Variants in SLC19A1 observed in about 807,000 individuals in gnomAD.
SLC19A1 encodes the protein solute carrier family 19 member 1, also known as reduced folate transporter.
In SLC19A1, 37 loss-of-function variants were observed where a neutral mutation model predicts 35.3. The observed-to-expected ratio is 1.05, with a 90% CI of 0.81 to 1.38. The LOEUF is 1.38. Among genes scored for constraint, SLC19A1 ranks in the 40% most tolerant of loss-of-function variants. The pLI, the probability that SLC19A1 is intolerant of heterozygous loss-of-function variation, is 0.00. For synonymous variants in SLC19A1, 460 were observed against 398.5 expected (o/e 1.15, Z -1.84); for missense variants, 831 against 826.9 (o/e 1.00, Z -0.06).
chr21:45,504,062 A>G (rs552184869), intron 3 of SLC19A1: 7 of 1,612,890 alleles, frequency 4.3e-6, no homozygotes, highest in Non-Finnish European at 5.9e-6. Flanking sequence ...AAGGTGGGTG[A>G]CCTCCCTGTG....
chr21:45,528,868 T>C (rs1188852580), intron 4 of SLC19A1, among the ~76,000 whole-genome samples: 1 of 152,216 alleles, frequency 6.6e-6, no homozygotes, highest in African/African-American at 2.4e-5. Context: ...CAGAAAATGC[T>C]GGGATTCCCC....
intron 2 of SLC19A1, among the ~76,000 whole-genome samples, chr21:45,535,288 C>A (rs192445533): frequency 6.6e-6 from 1 of 152,350 alleles, no homozygotes; most frequent in South Asian, 2.1e-4. Flanking sequence ...CCGGGGAAAG[C>A]GCTCTCAGCT....
At chr21:45,509,304 G>A (rs926781781), downstream of SLC19A1, 58 of 1,535,214 alleles carry the variant, frequency 3.8e-5, no homozygotes, top group Admixed American at 7.3e-4. Flanking sequence ...AGATGGAGGA[G>A]GGGCACCCGG....
At chr21:45,532,824 C>A (rs1004918139) in intron 2 of SLC19A1, among the ~76,000 whole-genome samples, 3 of 152,208 alleles carry the variant, frequency 2.0e-5, no homozygotes, top group African/African-American at 7.2e-5. Context: ...CACATTCACA[C>A]CAGCACAAGC....
chr21:45,536,067 G>T, intron 2 of SLC19A1: 1 of 348,952 alleles, frequency 2.9e-6, no homozygotes, highest in Non-Finnish European at 4.1e-6. Flanking sequence ...AGGAGGGAGG[G>T]CGTGATGAAG....
intron 5 of SLC19A1, among the ~76,000 whole-genome samples, chr21:45,519,725 GT>G (rs893603820): frequency 6.6e-6 from 1 of 152,130 alleles, no homozygotes; most frequent in African/African-American, 2.4e-5. Context: ...CTGCCAATAT[GT>G]GAAGCAAAAA....
At chr21:45,527,096 A>T (rs910836696) in intron 4 of SLC19A1, among the ~76,000 whole-genome samples, 5 of 152,294 alleles carry the variant, frequency 3.3e-5, no homozygotes, top group Admixed American at 6.5e-5. Flanking sequence ...TTAGAAGAGC[A>T]GTGAAACCAC....
chr21:45,509,377 C>T, downstream of SLC19A1: 1 of 1,543,256 alleles, frequency 6.5e-7, no homozygotes, highest in Admixed American at 1.9e-5. Context: ...GGCCGCCTTG[C>T]AGCCCCCCGT....
At chr21:45,541,925 C>A (rs1169769561) in intron 1 of SLC19A1, 1 of 152,316 alleles carries the variant, frequency 6.6e-6, no homozygotes, top group Non-Finnish European at 1.5e-5. Context: ...ACCCCATTCG[C>A]AGGCTGCGGC....
chr21:45,509,527 A>G (rs748677532), downstream of SLC19A1: 15 of 1,536,420 alleles, frequency 9.8e-6, no homozygotes, highest in African/African-American at 1.4e-5. Context: ...CCCGCACCAC[A>G]GCTCCTACGT....
Position 45,540,810 on chromosome 21 carries a change from A to G in SLC19A1, c.-50+1558T>C, listed in dbSNP as rs1338564691. Among the ~76,000 whole-genome samples, 1 of 152,176 alleles carries G rather than the reference A, an allele frequency of 6.6e-6. No homozygotes were observed. The highest frequency in any genetic ancestry group is 1.5e-5 in the Non-Finnish European group (1 of 68,034). On this transcript the variant is annotated intron_variant, in intron 1 of 5. Transcript: ENST00000311124. The surrounding 1 kb of genome is among the most constrained non-coding windows in gnomAD (Gnocchi z 5.5). ...AGCAGAGAGAATCCCTGCCTTCAGG[A>G]GAAGGTTGTAACAGCCCCTGCAAAT... is the stretch of plus-strand genomic sequence containing the variant.
chr21:45,510,783 A>G (rs1394695204), downstream of SLC19A1, among the ~76,000 whole-genome samples: 1 of 152,056 alleles, frequency 6.6e-6, no homozygotes, highest in Non-Finnish European at 1.5e-5. Context: ...CAGGGCTGGG[A>G]GCAGGCGGCT....
At chr21:45,546,780 C>T (rs1161630639), upstream of SLC19A1, among the ~76,000 whole-genome samples, 1 of 152,234 alleles carries the variant, frequency 6.6e-6, no homozygotes, top group Admixed American at 6.5e-5. Flanking sequence ...GGTGATAACC[C>T]TCCTGCCCAC....
chr21:45,559,713 G>A (rs946415133), intron 1 of SLC19A1, among the ~76,000 whole-genome samples: 12 of 152,252 alleles, frequency 7.9e-5, no homozygotes, highest in African/African-American at 2.4e-4. Context: ...ATCAGCACAC[G>A]CAGAGCTTCC....
At chr21:45,509,725 G>C, downstream of SLC19A1, 1 of 728,034 alleles carries the variant, frequency 1.4e-6, no homozygotes, top group Admixed American at 2.0e-5. Context: ...GGGGTCTGGC[G>C]GCTCAGGGCC....
Position 45,515,817 on chromosome 21 carries a change from T to G in SLC19A1, c.1617A>C (p.Pro539=), listed in dbSNP as rs2037893375. 1.2e-6 allele frequency: 2 copies of G among 1,609,720 alleles called. No homozygotes were observed. Among genetic ancestry groups the G allele is most frequent in the Admixed American group, 1.7e-5 (1 of 59,672 alleles). The change falls in exon 6 of 6, where the codon CCA becomes CCC. Residue 539 remains proline (P), a synonymous_variant. Transcript: ENST00000311124. ...PAPQAAEFLS[P]VTTPSPCTLC... Reference sequence around the variant, plus strand: ...GAGTGCAGGGGGAAGGGGTTGTCACTGGGCTCAGGAATTCAGCTGCCTGCG... The same window carrying G: ...GAGTGCAGGGGGAAGGGGTTGTCACGGGGCTCAGGAATTCAGCTGCCTGCG...
chr21:45,510,987 CCACACACACAACA>C, downstream of SLC19A1: 30 of 38,666 alleles, frequency 7.8e-4, 8 homozygotes, highest in South Asian at 1.6e-3. Context: ...CCCCCACACC[CCACACACACAACA>C]CACCCCCCCC....
intron 3 of SLC19A1, chr21:45,505,211 GCGCCAGGGCCCTCCCGGCCCCCCAGGCC>G: frequency 6.2e-7 from 1 of 1,602,382 alleles, no homozygotes; most frequent in Non-Finnish European, 8.5e-7. Flanking sequence ...GCTACGAGGG[GCGCCAGGGCCCTCCCGGCCCCCCAGGCC>G]CCCCAGGGCC....
chr21:45,547,054 A>G (rs1569026478), upstream of SLC19A1, among the ~76,000 whole-genome samples: 5 of 152,284 alleles, frequency 3.3e-5, no homozygotes, highest in South Asian at 8.3e-4. Flanking sequence ...TACTAAGTCT[A>G]TATACAAAAG....
Sources: allele counts gnomAD v4.1 joint callset (sites outside exome capture counted in the v4.1 genomes callset), GRCh38; gene constraint gnomAD v4.1.1; non-coding constraint Gnocchi (gnomAD v3.1); transcripts MANE v1.5; gene names NCBI Gene and HGNC (gene_info 2026-07-23, HGNC 2026-07-21).